LOC128125817: variants seen among roughly 807,000 people sequenced by gnomAD.
At chr1:41,627,969 C>T in the LOC128125817 span, among the ~76,000 whole-genome samples, 4 of 152,122 alleles carry the variant, frequency 2.6e-5, no homozygotes, top group South Asian at 8.3e-4. Flanking sequence ...TGGCTCTCCA[C>T]ACCAGAGAAA....
chr1:41,606,965 A>G, the LOC128125817 span, among the ~76,000 whole-genome samples: 1 of 151,778 alleles, frequency 6.6e-6, no homozygotes, highest in Non-Finnish European at 1.5e-5. Context: ...TCTAGTTTAA[A>G]ATCTGTGTGT....
chr1:41,597,377 T>C, the LOC128125817 span, among the ~76,000 whole-genome samples: 2 of 152,328 alleles, frequency 1.3e-5, no homozygotes, highest in South Asian at 2.1e-4. Context: ...TTTCCCCTGA[T>C]TGTCTGTGGG....
the LOC128125817 span, among the ~76,000 whole-genome samples, chr1:41,609,738 C>A: frequency 3.3e-5 from 5 of 152,236 alleles, no homozygotes; most frequent in Admixed American, 6.5e-5. Context: ...TCAGAACACA[C>A]GCCGTTCCCA....
At chr1:41,617,293 A>C in the LOC128125817 span, among the ~76,000 whole-genome samples, 1 of 152,178 alleles carries the variant, frequency 6.6e-6, no homozygotes, top group African/African-American at 2.4e-5. Flanking sequence ...GGAAACATGG[A>C]TCAATGTGTG....
chr1:41,595,275 C>T, the LOC128125817 span, among the ~76,000 whole-genome samples: 1 of 152,328 alleles, frequency 6.6e-6, no homozygotes, highest in Non-Finnish European at 1.5e-5. Flanking sequence ...TCTTCAGTTG[C>T]CAAGCTCACC....
At chr1:41,603,275 CCAGG>C in the LOC128125817 span, among the ~76,000 whole-genome samples, 3 of 152,006 alleles carry the variant, frequency 2.0e-5, no homozygotes, top group Non-Finnish European at 4.4e-5. Context: ...ACCATGTTGG[CCAGG>C]CTGGTCTCGA....
At chr1:41,612,122 C>T in the LOC128125817 span, among the ~76,000 whole-genome samples, 40 of 152,226 alleles carry the variant, frequency 2.6e-4, 1 homozygote, top group African/African-American at 9.6e-4. Context: ...CTCCTCTCAC[C>T]CTTTCTGCCT....
the LOC128125817 span, among the ~76,000 whole-genome samples, chr1:41,589,125 G>GAAAAGAGC: frequency 1.3e-5 from 2 of 152,214 alleles, no homozygotes; most frequent in East Asian, 3.8e-4. Flanking sequence ...AAGTGATAAA[G>GAAAAGAGC]AAAAGAGCCA....
the LOC128125817 span, among the ~76,000 whole-genome samples, chr1:41,613,797 T>C: frequency 4.6e-5 from 7 of 152,214 alleles, no homozygotes; most frequent in African/African-American, 1.4e-4. Context: ...CCTGTACCCA[T>C]TAGCAATCAC....
chr1:41,615,776 T>C, the LOC128125817 span, among the ~76,000 whole-genome samples: 5 of 149,088 alleles, frequency 3.4e-5, no homozygotes, highest in African/African-American at 1.2e-4. Context: ...GGACCCACAT[T>C]GTGGAAGCGA....
the LOC128125817 span, among the ~76,000 whole-genome samples, chr1:41,601,843 G>A: frequency 9.9e-5 from 15 of 152,038 alleles, no homozygotes; most frequent in Non-Finnish European, 1.5e-4. Context: ...AAACTTTTCC[G>A]TTTTTCACCA....
At chr1:41,587,532 G>A in the LOC128125817 span, among the ~76,000 whole-genome samples, 1 of 152,164 alleles carries the variant, frequency 6.6e-6, no homozygotes, top group African/African-American at 2.4e-5. Flanking sequence ...GGACAAAATG[G>A]TTACCCTTAC....
chr1:41,605,870 T>C, the LOC128125817 span, among the ~76,000 whole-genome samples: 1 of 152,312 alleles, frequency 6.6e-6, no homozygotes, highest in Admixed American at 6.5e-5. Flanking sequence ...GATTTGTTTA[T>C]TTAAATAAAT....
At chr1:41,599,871 AG>A in the LOC128125817 span, among the ~76,000 whole-genome samples, 4 of 152,338 alleles carry the variant, frequency 2.6e-5, no homozygotes, top group African/African-American at 9.6e-5. Context: ...AACAACAAAA[AG>A]CCAAGCAAAA....
At chr1:41,612,681 C>T in the LOC128125817 span, among the ~76,000 whole-genome samples, 1 of 152,192 alleles carries the variant, frequency 6.6e-6, no homozygotes, top group Non-Finnish European at 1.5e-5. Flanking sequence ...TATTCCTGAG[C>T]TATCCTTTGC....
chr1:41,609,419 G>A, the LOC128125817 span, among the ~76,000 whole-genome samples: 21 of 152,384 alleles, frequency 1.4e-4, no homozygotes, highest in African/African-American at 4.6e-4. Flanking sequence ...GCCTAAGGGC[G>A]TGCAAGCCTC....
chr1:41,596,408 G>T, the LOC128125817 span, among the ~76,000 whole-genome samples: 1 of 152,136 alleles, frequency 6.6e-6, no homozygotes, highest in East Asian at 1.9e-4. Context: ...GAAGGAAGAG[G>T]TTTTTTGCTA....
chr1:41,617,030 T>C, the LOC128125817 span, among the ~76,000 whole-genome samples: 6 of 152,194 alleles, frequency 3.9e-5, no homozygotes, highest in African/African-American at 1.4e-4. Flanking sequence ...ATTTGAACCC[T>C]GGCTGTCTGT....
chr1:41,624,746 G>A, the LOC128125817 span, among the ~76,000 whole-genome samples: 1 of 152,196 alleles, frequency 6.6e-6, no homozygotes, highest in African/African-American at 2.4e-5. Context: ...TGTCACTGAT[G>A]CAAACCAGAA....
Sources: gnomAD v4.1 joint callset for allele counts (sites outside exome capture counted in the v4.1 genomes callset) on GRCh38, gnomAD v4.1.1 for gene constraint, MANE v1.5 for transcripts.